The following NFIB variants were observed in gnomAD, a reference collection of about 807,000 sequenced individuals.
NFIB encodes nuclear factor I B, also known as nuclear factor 1 B-type.
A neutral mutation model predicts 61.5 loss-of-function variants in NFIB; 11 were observed. That is an observed-to-expected ratio of 0.18 (90% CI 0.11 to 0.30). NFIB has a LOEUF of 0.30. Among genes scored for constraint, NFIB ranks in the 10% least tolerant of loss-of-function variants. The pLI, the probability that NFIB is intolerant of heterozygous loss-of-function variation, is 1.00. For synonymous variants in NFIB, 260 were observed against 216.5 expected, an observed-to-expected ratio of 1.20 and a Z score of -1.76; for missense variants, 471 against 608.9, an observed-to-expected ratio of 0.77 and a Z score of 2.38.
chr9:14,357,191 A>G (rs960300288), intron 1 of NFIB: 1 of 152,226 alleles, frequency 6.6e-6, no homozygotes, highest in African/African-American at 2.4e-5. Context: ...AAGTCACACA[A>G]GGGAGAAAAT....
the NFIB span, among the ~76,000 whole-genome samples, chr9:14,519,196 A>C: frequency 0.57 from 86,734 of 151,980 alleles, 25,223 homozygotes; most frequent in Non-Finnish European, 0.63. Context: ...ACTAGAACTT[A>C]AGGCAAGCTC....
At chr9:14,508,979 G>A in the NFIB span, among the ~76,000 whole-genome samples, 1 of 152,184 alleles carries the variant, frequency 6.6e-6, no homozygotes. Context: ...TTAGAGCAAT[G>A]AGAATGAAGG....
At chr9:14,248,932 C>T (rs574940756) in intron 2 of NFIB, among the ~76,000 whole-genome samples, 2 of 152,264 alleles carry the variant, frequency 1.3e-5, no homozygotes, top group East Asian at 3.9e-4. Context: ...AGAAACATTC[C>T]CAGTTACATC....
At chr9:14,349,513 A>G (rs2061079398) in intron 1 of NFIB, among the ~76,000 whole-genome samples, 1 of 152,098 alleles carries the variant, frequency 6.6e-6, no homozygotes. Flanking sequence ...TTTTGGGAGC[A>G]GCGAAATTTT....
chr9:14,428,072 A>T, the NFIB span, among the ~76,000 whole-genome samples: 3 of 147,596 alleles, frequency 2.0e-5, no homozygotes, highest in Non-Finnish European at 4.4e-5. Flanking sequence ...CAGCTTCCTG[A>T]GTAGCTGGGA....
intron 2 of NFIB, among the ~76,000 whole-genome samples, chr9:14,250,589 T>C (rs1181350831): frequency 6.6e-6 from 1 of 152,218 alleles, no homozygotes; most frequent in Non-Finnish European, 1.5e-5. Flanking sequence ...CAAAGAACTT[T>C]GGTGTTCCCT....
At chr9:14,388,500 AAAGT>A (rs1184979320) in intron 1 of NFIB, among the ~76,000 whole-genome samples, 1 of 151,684 alleles carries the variant, frequency 6.6e-6, no homozygotes, top group Non-Finnish European at 1.5e-5. Context: ...AGAGAGAGAG[AAAGT>A]AAGGAGGGAA....
intron 1 of NFIB, among the ~76,000 whole-genome samples, chr9:14,380,660 C>T (rs561965499): frequency 2.4e-4 from 36 of 152,240 alleles, no homozygotes; most frequent in African/African-American, 7.9e-4. Context: ...GGACACCCCC[C>T]GCCTCTATCC....
At chr9:14,164,413 C>T (rs189131165) in intron 3 of NFIB, among the ~76,000 whole-genome samples, 1 of 152,138 alleles carries the variant, frequency 6.6e-6, no homozygotes, top group East Asian at 1.9e-4. Flanking sequence ...GTATAGCATA[C>T]TACTGTACTG....
At chr9:14,505,751 A>G in the NFIB span, among the ~76,000 whole-genome samples, 2 of 152,202 alleles carry the variant, frequency 1.3e-5, no homozygotes, top group South Asian at 4.1e-4. Flanking sequence ...GACCACCTAC[A>G]GCAGCTACCA....
chr9:14,226,091 AT>A (rs61207268), intron 2 of NFIB, among the ~76,000 whole-genome samples: 11,967 of 147,620 alleles, frequency 0.081, 1,475 homozygotes, highest in African/African-American at 0.27. Context: ...TTTAAAGAGC[AT>A]TTTTTTTTTT....
At chr9:14,295,580 G>A (rs1199748980) in intron 2 of NFIB, among the ~76,000 whole-genome samples, 3 of 152,220 alleles carry the variant, frequency 2.0e-5, no homozygotes, top group Admixed American at 2.0e-4. Context: ...ACAGTGAGCC[G>A]AGATTGCGCC....
chr9:14,178,843 G>C (rs958989555), intron 3 of NFIB, among the ~76,000 whole-genome samples: 7 of 152,110 alleles, frequency 4.6e-5, no homozygotes, highest in African/African-American at 1.7e-4. Flanking sequence ...AAGTCTACCT[G>C]AGGAAACTTT....
the NFIB span, among the ~76,000 whole-genome samples, chr9:14,526,130 C>T: frequency 1.2e-4 from 18 of 152,106 alleles, no homozygotes; most frequent in African/African-American, 4.1e-4. Context: ...GGATTCAGCC[C>T]TGTGCTCATA....
chr9:14,260,170 A>C (rs917492574), intron 2 of NFIB, among the ~76,000 whole-genome samples: 1 of 152,188 alleles, frequency 6.6e-6, no homozygotes, highest in Non-Finnish European at 1.5e-5. Context: ...AGTGAGGCGC[A>C]CTGACTTCAG....
At chr9:14,176,105 T>C (rs1463432292) in intron 3 of NFIB, among the ~76,000 whole-genome samples, 2 of 152,118 alleles carry the variant, frequency 1.3e-5, no homozygotes, top group Admixed American at 6.5e-5. Flanking sequence ...TTCCTAAAAG[T>C]AGCAGTGGAG....
At chr9:14,386,145 T>C (rs549205292) in intron 1 of NFIB, among the ~76,000 whole-genome samples, 1 of 152,290 alleles carries the variant, frequency 6.6e-6, no homozygotes, top group South Asian at 2.1e-4. Context: ...TCATTAATAA[T>C]TTCATTAGGT....
intron 2 of NFIB, among the ~76,000 whole-genome samples, chr9:14,229,513 G>A (rs530509872): frequency 8.9e-4 from 136 of 152,266 alleles, no homozygotes; most frequent in African/African-American, 3.1e-3. Context: ...ATAAACTGGA[G>A]ATAAAATAAT....
the NFIB span, among the ~76,000 whole-genome samples, chr9:14,441,305 T>C: frequency 6.6e-6 from 1 of 152,230 alleles, no homozygotes; most frequent in African/African-American, 2.4e-5. Context: ...TTGAAGTTTG[T>C]GATTCTCCAA....
Sources: gnomAD v4.1 joint callset for allele counts (sites outside exome capture counted in the v4.1 genomes callset) on GRCh38, gnomAD v4.1.1 for gene constraint, MANE v1.5 for transcripts, NCBI Gene and HGNC (gene_info 2026-07-23, HGNC 2026-07-21) for gene names.